ZBTB4: variants seen among roughly 807,000 people sequenced by gnomAD.
ZBTB4 encodes the protein zinc finger and BTB domain-containing protein 4.
In ZBTB4, 14 loss-of-function variants were observed where a neutral mutation model predicts 59.8. The ratio of observed to expected loss-of-function variants is 0.23; its 90% CI spans 0.15 to 0.37. The LOEUF is 0.37. Ranked by LOEUF, ZBTB4 falls within the 10% of genes least tolerant of loss-of-function variation. The pLI is 1.00. For synonymous variants in ZBTB4, 587 were observed against 575.2 expected, an observed-to-expected ratio of 1.02 and a Z score of -0.29; for missense variants, 1,198 against 1,380.8, an observed-to-expected ratio of 0.87 and a Z score of 2.10.
At chr17:7,482,077 C>G, upstream of ZBTB4, 1 of 1,614,168 alleles carries the variant, frequency 6.2e-7, no homozygotes, top group Non-Finnish European at 8.5e-7. Context: ...ACCAGTGCTG[C>G]CAGCCCTCTG....
At chr17:7,468,230 G>A (rs1243632698) in intron 1 of ZBTB4, among the ~76,000 whole-genome samples, 4 of 152,140 alleles carry the variant, frequency 2.6e-5, no homozygotes, top group African/African-American at 4.8e-5. Context: ...AAAATTAGCC[G>A]GGCGTGGTGG....
chr17:7,478,085 T>C (rs1178348401), intron 1 of ZBTB4, among the ~76,000 whole-genome samples: 1 of 152,070 alleles, frequency 6.6e-6, no homozygotes, highest in African/African-American at 2.4e-5. Context: ...ACAGCCTGCT[T>C]GCGGCTGGCC....
In ZBTB4 at chr17:7,463,190, G is replaced by A; in HGVS notation, c.1792C>T (p.Pro598Ser). Residue 598 changes from proline (P) to serine (S), a missense_variant, in exon 4 of 4, where the codon CCA (proline) becomes TCA (serine). Coordinates refer to ENST00000380599, the MANE Select transcript of ZBTB4 (RefSeq NM_001128833.2). ...AGRGPSQLQAPPPLCQITVRI... is the reference protein window; with the variant it reads ...AGRGPSQLQASPPLCQITVRI... ...ACAGTGATCTGACACAGTGGAGGTGGAGCCTGCAGCTGAGAGGGGCCCCGG... is the reference window on the plus strand; with the variant it reads ...ACAGTGATCTGACACAGTGGAGGTGAAGCCTGCAGCTGAGAGGGGCCCCGG... The A allele has an allele frequency of 6.2e-7, 1 of 1,607,844 alleles. No homozygotes were observed. Among genetic ancestry groups the A allele is most frequent in the Non-Finnish European group, 8.5e-7 (1 of 1,178,966 alleles).
rs2070003064 is a variant in ZBTB4 at position 7,460,345 on chromosome 17, TG to T, written c.*1594del. The T allele has an allele frequency of 6.5e-6, 1 of 152,676 alleles. No individual in the cohort carries two copies. The highest frequency in any genetic ancestry group is 2.1e-4 in the South Asian group (1 of 4,834). The allele number at this position is 152,676 out of a possible 1,614,324, so 9.5% of individuals were successfully genotyped here. ...GGTATGAGGGGTAGGAGGATGGTCC[TG>T]GCCCTCCCTAAACTCACCTCCCTCC... On this transcript the variant is annotated 3_prime_UTR_variant, in exon 4 of 4. Transcript: ENST00000380599.
At chr17:7,483,506 G>C (rs2070374431), upstream of ZBTB4, 1 of 202,236 alleles carries the variant, frequency 4.9e-6, no homozygotes, top group Non-Finnish European at 1.0e-5. Context: ...GGCTTGCAGT[G>C]GTGTCGTCTC....
rs576601751 is a variant in ZBTB4, at chr17:7,468,047, A to C, written c.-80-720T>G. 4.6e-5 allele frequency among the ~76,000 whole-genome samples: 7 copies of C among 152,200 alleles called. No individual in the cohort carries two copies. The East Asian group carries it at 1.4e-3, about 29-fold the overall frequency. On this transcript the variant is annotated intron_variant, in intron 1 of 3. Coordinates refer to ENST00000380599, the MANE Select transcript of ZBTB4 (RefSeq NM_001128833.2). ...AAAAAGCGGCAGAATCACAACTCCT[A>C]CCTCACCTCTTGCTGGGAGACTCGT...
intron 3 of ZBTB4, among the ~76,000 whole-genome samples, chr17:7,464,793 G>A (rs569535679): frequency 7.4e-4 from 110 of 149,260 alleles, no homozygotes; most frequent in Middle Eastern, 3.6e-3. Context: ...AGCTGAGATT[G>A]CGCCACTGCA....
intron 3 of ZBTB4, 24 bp from the exon 4 acceptor site, chr17:7,463,914 G>T (rs1388946014): frequency 6.3e-7 from 1 of 1,596,432 alleles, no homozygotes; most frequent in South Asian, 1.1e-5. Flanking sequence ...GCAGGGAATA[G>T]GGCAGGAACA....
upstream of ZBTB4, among the ~76,000 whole-genome samples, chr17:7,481,060 G>A (rs560285971): frequency 5.9e-5 from 9 of 152,050 alleles, no homozygotes; most frequent in East Asian, 1.6e-3. Flanking sequence ...TTGGGAGGAT[G>A]AGGTAGGAGA....
upstream of ZBTB4, among the ~76,000 whole-genome samples, chr17:7,480,711 C>T (rs2070333715): frequency 6.6e-6 from 1 of 151,396 alleles, no homozygotes; most frequent in Non-Finnish European, 1.5e-5. Context: ...CAGAGACAGA[C>T]TCCGTCTCAA....
At chr17:7,482,346 C>A (rs199706416), upstream of ZBTB4, 22 of 1,613,890 alleles carry the variant, frequency 1.4e-5, no homozygotes, top group South Asian at 2.3e-4. Flanking sequence ...GCCTACAGTG[C>A]GGTTCAGGTG....
intron 1 of ZBTB4, among the ~76,000 whole-genome samples, chr17:7,470,071 ACT>A (rs1238635363): frequency 6.6e-5 from 10 of 151,778 alleles, no homozygotes; most frequent in African/African-American, 2.2e-4. Flanking sequence ...ACAGAACGAG[ACT>A]CTGTCTCAAA....
At chr17:7,481,121 C>T (rs1442031722), upstream of ZBTB4, among the ~76,000 whole-genome samples, 1 of 149,876 alleles carries the variant, frequency 6.7e-6, no homozygotes, top group Non-Finnish European at 1.5e-5. Flanking sequence ...ATTGCACGCA[C>T]CACTGCACTC....
chr17:7,465,755 C>T lies in ZBTB4; in HGVS notation c.1047G>A (p.Ala349=), dbSNP rs775155255. The change falls in exon 3 of 4, where the codon GCG becomes GCA. Residue 349 remains alanine, a synonymous_variant. Coordinates refer to ENST00000380599, the MANE Select transcript of ZBTB4 (RefSeq NM_001128833.2). The part of the protein sequence containing the change: ...CRYCEKVFAL[A]EYRTKHEVWH... Reference sequence around the variant, plus strand: ...ACACTTCATGCTTCGTGCGGTACTCCGCCAGAGCAAACACTTTCTCACAAT... The same window carrying T: ...ACACTTCATGCTTCGTGCGGTACTCTGCCAGAGCAAACACTTTCTCACAAT... The T allele has an allele frequency of 1.1e-5, 18 of 1,613,690 alleles. No homozygotes were observed. The highest frequency in any genetic ancestry group is 9.3e-5 in the African/African-American group (7 of 74,946).
chr17:7,464,060 C>T (rs2070076430), intron 3 of ZBTB4, among the ~76,000 whole-genome samples, 170 bp from the exon 4 acceptor site: 1 of 152,204 alleles, frequency 6.6e-6, no homozygotes, highest in African/African-American at 2.4e-5. Flanking sequence ...GAGCTCAGTG[C>T]CTCCACTGGC....
At position 7,466,008 on chromosome 17, in the gene ZBTB4, G is replaced by A; in HGVS notation, c.794C>T (p.Ser265Phe). The A allele has an allele frequency of 6.2e-7, 1 of 1,608,086 alleles. No individual in the cohort carries two copies. The highest frequency in any genetic ancestry group is 8.5e-7 in the Non-Finnish European group (1 of 1,176,474). ...AGCGCCCCCAGCTCCCAGCCCTGTA[G>A]ACCCCCGCGTGCTGGCCCCTCGTCG... ...QCRRGASTRG[S>F]TGLGAGGAGP... The change falls in exon 3 of 4, where the codon TCT (serine) becomes TTT (phenylalanine). Residue 265 changes from serine (S) to phenylalanine (F), a missense_variant. Physicochemically the swap from Ser to Phe is radical, Grantham distance 155. This residue lies in a region of ZBTB4 where 204 missense variants were observed against 205.5 expected (regional missense o/e 0.99). Transcript: ENST00000380599. This position sits in a 1 kb window ranked among gnomAD's most constrained non-coding sequence, Gnocchi z 9.1.
chr17:7,466,230 G>C lies in ZBTB4; in HGVS notation c.572C>G (p.Ala191Gly), dbSNP rs367908835. The change falls in exon 3 of 4, where the codon GCC becomes GGC. Residue 191 changes from alanine to glycine, a missense_variant. Around this residue, in one of 9 missense-constraint regions of ZBTB4, gnomAD observed 204 missense variants for 205.5 expected, o/e 0.99. Coordinates refer to ENST00000380599, the MANE Select transcript of ZBTB4 (RefSeq NM_001128833.2). This position sits in a 1 kb window ranked among gnomAD's most constrained non-coding sequence, Gnocchi z 9.1. ...TTCAGGCTGCGAGGTGGCCATGGGG[G>C]CTGGGGTAGGAGGTACCCAGGCATC... ...GGDAWVPPTP[A>G]PMATSQPEED... 6.2e-7 allele frequency: 1 copy of C among 1,613,534 alleles called. No homozygotes were observed. Among genetic ancestry groups the C allele is most frequent in the Non-Finnish European group, 8.5e-7 (1 of 1,179,920 alleles).
chr17:7,482,285 C>A, upstream of ZBTB4: 2 of 1,614,052 alleles, frequency 1.2e-6, no homozygotes, highest in Non-Finnish European at 1.7e-6. Flanking sequence ...TCCTGACATC[C>A]GAGGCCGGGC....
Position 7,463,759 on chromosome 17 carries a change from T to C in ZBTB4, c.1223A>G (p.Lys408Arg). 1 of 1,614,084 alleles carries C rather than the reference T, an allele frequency of 6.2e-7. No individual in the cohort carries two copies. The highest frequency in any genetic ancestry group is 8.5e-7 in the Non-Finnish European group (1 of 1,180,020). The stretch of plus-strand genomic sequence containing the variant: ...GCGGTAGAGCTTGAGTGTATTGAGC[T>C]TGGGCTTGTAGCCTCCATTGGGTGT... ...EKTPNGGYKP[K>R]LNTLKLYRLL... Residue 408 changes from lysine to arginine, a missense_variant, in exon 4 of 4, where the codon AAG (lysine) becomes AGG (arginine). Physicochemically the swap from Lys to Arg is conservative, Grantham distance 26. Transcript: ENST00000380599.
Sources: gnomAD v4.1 joint callset for allele counts (sites outside exome capture counted in the v4.1 genomes callset) on GRCh38, gnomAD v4.1.1 for gene constraint, gnomAD v4.1.1 regional missense constraint, Gnocchi (gnomAD v3.1) non-coding constraint, MANE v1.5 for transcripts, NCBI Gene and HGNC (gene_info 2026-07-23, HGNC 2026-07-21) for gene names.